NCAPD3: variants seen among roughly 807,000 people sequenced by gnomAD.
NCAPD3 encodes non-SMC condensin II complex subunit D3.
Under a neutral mutation model 182.9 loss-of-function variants are expected in NCAPD3, and 105 were observed. The ratio of observed to expected loss-of-function variants is 0.57; its 90% CI spans 0.49 to 0.68. The LOEUF (loss-of-function observed/expected upper bound fraction) is 0.68. Among genes scored for constraint, NCAPD3 ranks in the 30% least tolerant of loss-of-function variants. The pLI, the probability that NCAPD3 is intolerant of heterozygous loss-of-function variation, is 0.00. For missense variants in NCAPD3, 1,944 were observed against 1,837.0 expected (o/e 1.06, Z -1.07); for synonymous variants, 815 against 679.9 (o/e 1.20, Z -3.09).
chr11:134,159,138 T>C (rs962967897), intron 29 of NCAPD3, among the ~76,000 whole-genome samples: 3 of 152,370 alleles, frequency 2.0e-5, no homozygotes, highest in Admixed American at 2.0e-4. Context: ...TGCAGGTATG[T>C]CTTCGACATC....
At chr11:134,197,394 A>C (rs1422977127) in intron 13 of NCAPD3, among the ~76,000 whole-genome samples, 1 of 149,120 alleles carries the variant, frequency 6.7e-6, no homozygotes, top group Non-Finnish European at 1.5e-5. Flanking sequence ...CTCCTGCCTC[A>C]GCCTCCTAAG....
In NCAPD3 at chr11:134,151,185, G is replaced by A. The variant is rs1195154396; in HGVS notation, c.*1759C>T. 6.6e-6 allele frequency: 1 copy of A among 152,206 alleles called. No homozygotes were observed. The highest frequency in any genetic ancestry group is 6.5e-5 in the Admixed American group (1 of 15,282). The allele number at this position is 152,206 out of a possible 1,614,324, so 9.4% of individuals were successfully genotyped here. ...CAGTGTCTTGGGTTTTTTATACTTT[G>A]ACAGCTTTTTTTTAATTGCATACAT... On this transcript the variant is annotated 3_prime_UTR_variant, in exon 35 of 35. Coordinates refer to ENST00000534548, the MANE Select transcript of NCAPD3 (RefSeq NM_015261.3).
chr11:134,155,094 A>G (rs1943382737), intron 32 of NCAPD3, among the ~76,000 whole-genome samples: 1 of 152,216 alleles, frequency 6.6e-6, no homozygotes, highest in South Asian at 2.1e-4. Flanking sequence ...AATCGAAGGC[A>G]GCAGCGTCTG....
At position 134,151,145 on chromosome 11, in the gene NCAPD3, TTGTC is replaced by T. The variant is rs1371733590; in HGVS notation, c.*1795_*1798del. 6.6e-6 allele frequency: 1 copy of T among 152,316 alleles called. No homozygotes were observed. Among genetic ancestry groups the T allele is most frequent in the African/African-American group, 2.4e-5 (1 of 41,474 alleles). The allele number at this position is 152,316 out of a possible 1,614,324, so 9.4% of individuals were successfully genotyped here. On this transcript the variant is annotated 3_prime_UTR_variant, in exon 35 of 35. Coordinates refer to ENST00000534548, the MANE Select transcript of NCAPD3 (RefSeq NM_015261.3). ...TGGAGAATGGCTCTCACTACTCACCTTGTCTTTCAGCTTCCAGTGTCTTGGGTTT... is the reference window on the plus strand; with the variant it reads ...TGGAGAATGGCTCTCACTACTCACCTTTTCAGCTTCCAGTGTCTTGGGTTT...
intron 24 of NCAPD3, among the ~76,000 whole-genome samples, chr11:134,171,697 T>C (rs1403347082): frequency 2.0e-5 from 3 of 152,180 alleles, no homozygotes; most frequent in Non-Finnish European, 2.9e-5. Context: ...CATCCCTGCA[T>C]TGCTGCTTCC....
chr11:134,152,919 C>T lies in NCAPD3; in HGVS notation c.*25G>A. The T allele has an allele frequency of 6.6e-7, 1 of 1,506,510 alleles. No homozygotes were observed. Among genetic ancestry groups the T allele is most frequent in the African/African-American group, 1.4e-5 (1 of 71,510 alleles). 93.3% of individuals were successfully genotyped at this position (1,506,510 alleles called of 1,614,324 possible). On this transcript the variant is annotated 3_prime_UTR_variant, in exon 35 of 35. Coordinates refer to ENST00000534548, the MANE Select transcript of NCAPD3 (RefSeq NM_015261.3). ...CTGCTTCCTCAAGGGCTCCTGCCTG[C>T]CTGGACACTGGTGGGAGGCGCTGTT...
chr11:134,202,852 T>C lies in NCAPD3; in HGVS notation c.1579A>G (p.Asn527Asp). ...SNRSEPSGEI[N>D]IDSSGETVGS... ...ACTGTTTCACCACTGCTGTCTATGT[T>C]GATCTCCCCTGAGGGTTCGGAACGG... The change falls in exon 13 of 35, where the codon AAC becomes GAC. Residue 527 changes from asparagine to aspartate, a missense_variant. This residue lies in a region of NCAPD3 where 1,803 missense variants were observed against 1,674.6 expected (regional missense o/e 1.08). Coordinates refer to ENST00000534548, the MANE Select transcript of NCAPD3 (RefSeq NM_015261.3). The C allele has an allele frequency of 1.9e-6, 3 of 1,609,246 alleles. No individual in the cohort carries two copies. Among genetic ancestry groups the C allele is most frequent in the Non-Finnish European group, 2.5e-6 (3 of 1,178,848 alleles).
At position 134,151,589 on chromosome 11, in the gene NCAPD3, C is replaced by T. The variant is rs755544461; in HGVS notation, c.*1355G>A. Reference sequence around the variant, plus strand: ...TGAGACTAGACGGAAAAGGAATACTCGTGTATTTTAAGATATGAATGTGAC... The same window carrying T: ...TGAGACTAGACGGAAAAGGAATACTTGTGTATTTTAAGATATGAATGTGAC... On this transcript the variant is annotated 3_prime_UTR_variant, in exon 35 of 35. Coordinates refer to ENST00000534548, the MANE Select transcript of NCAPD3 (RefSeq NM_015261.3). 4.6e-5 allele frequency: 7 copies of T among 152,124 alleles called. No homozygotes were observed. The highest frequency in any genetic ancestry group is 7.3e-5 in the Non-Finnish European group (5 of 68,050). The allele number at this position is 152,124 out of a possible 1,614,324, so 9.4% of individuals were successfully genotyped here.
intron 15 of NCAPD3, among the ~76,000 whole-genome samples, chr11:134,193,673 A>G (rs1944568469): frequency 6.6e-6 from 1 of 152,206 alleles, no homozygotes; most frequent in Non-Finnish European, 1.5e-5. Flanking sequence ...GAGTTGCTTG[A>G]ACCTGAGAGG....
chr11:134,225,002 C>A, upstream of NCAPD3: 8 of 877,882 alleles, frequency 9.1e-6, no homozygotes, highest in Non-Finnish European at 1.2e-5. Context: ...CGGAGCCAGG[C>A]AGCCCCGCGG....
At chr11:134,156,800 C>G in intron 32 of NCAPD3, 1 of 437,032 alleles carries the variant, frequency 2.3e-6, no homozygotes, top group Admixed American at 4.2e-5. Flanking sequence ...TGGTGTTTGA[C>G]TGACTGAATG....
Position 134,168,230 on chromosome 11 carries a change from T to A in NCAPD3, c.3374-35A>T, listed in dbSNP as rs778679114. ...AGAGAGAGAGAAAAACGTGAGCTTC[T>A]GAGAAATGCTCTGGCCCAGAGAGGA... On this transcript the variant is annotated intron_variant, in intron 26 of 34. Transcript: ENST00000534548. 4.4e-6 allele frequency: 7 copies of A among 1,589,088 alleles called. No individual in the cohort carries two copies. The South Asian group carries it at 7.7e-5, about 18-fold the overall frequency.
chr11:134,208,965 A>G lies in NCAPD3; in HGVS notation c.795-14T>C. ...TGGTTAAGAGCTCTAAAAAAAAAAGACGAAATATTAGTTAATGGATATGAT... is the reference window on the plus strand; with the variant it reads ...TGGTTAAGAGCTCTAAAAAAAAAAGGCGAAATATTAGTTAATGGATATGAT... On this transcript the variant is annotated splice_polypyrimidine_tract_variant and intron_variant, in intron 6 of 34. Coordinates refer to ENST00000534548, the MANE Select transcript of NCAPD3 (RefSeq NM_015261.3). The G allele has an allele frequency of 6.5e-7, 1 of 1,543,390 alleles. No homozygotes were observed. The highest frequency in any genetic ancestry group is 8.9e-7 in the Non-Finnish European group (1 of 1,126,206).
In NCAPD3 at chr11:134,153,103, GA is replaced by G. The variant is rs767913495; in HGVS notation, c.4388+36del. On this transcript the variant is annotated intron_variant, in intron 34 of 34. Transcript: ENST00000534548. ...TCTGGAACTCAGAAAAACCCTGACA[GA>G]AACATCCACCTCAAAAGGAACACTG... 15 of 1,612,558 alleles carry G rather than the reference GA, an allele frequency of 9.3e-6. No homozygotes were observed. The African/African-American group carries it at 2.0e-4, about 22-fold the overall frequency.
At chr11:134,212,454 C>T (rs180703645) in intron 3 of NCAPD3, among the ~76,000 whole-genome samples, 40 of 147,988 alleles carry the variant, frequency 2.7e-4, no homozygotes, top group Middle Eastern at 3.5e-3. Context: ...AGTACAGTGG[C>T]GTGGATCTCG....
At chr11:134,191,248 T>C (rs1944517172) in intron 16 of NCAPD3, among the ~76,000 whole-genome samples, 1 of 152,148 alleles carries the variant, frequency 6.6e-6, no homozygotes, top group African/African-American at 2.4e-5. Flanking sequence ...ATACCAAAAA[T>C]AAGACAAAAT....
In NCAPD3 at chr11:134,223,915, C is replaced by T. The variant is rs768383544; in HGVS notation, c.12G>A (p.Leu4=). The T allele has an allele frequency of 8.1e-6, 13 of 1,612,650 alleles. 1 individual carries two copies. In the South Asian group the frequency reaches 1.4e-4, roughly 18 times the overall value. The change falls in exon 1 of 35, where the codon TTG becomes TTA. Residue 4 remains leucine (L), a synonymous_variant. Coordinates refer to ENST00000534548, the MANE Select transcript of NCAPD3 (RefSeq NM_015261.3). The part of the protein sequence containing the change: MVA[L]RGLGSGLQPW... ...GCTGCAGGCCGCTACCAAGGCCCCG[C>T]AACGCCACCATGATCCCAGGGCACC...
intron 27 of NCAPD3, among the ~76,000 whole-genome samples, chr11:134,167,298 G>T (rs1414450092): frequency 2.2e-5 from 3 of 134,726 alleles, no homozygotes; most frequent in Non-Finnish European, 4.7e-5. Context: ...TGAGCTTGGG[G>T]GAGCAGCACA....
chr11:134,221,381 CT>C (rs569643270), intron 1 of NCAPD3, among the ~76,000 whole-genome samples: 18 of 147,722 alleles, frequency 1.2e-4, no homozygotes, highest in South Asian at 2.1e-4. Context: ...TTTGGATAAA[CT>C]TTTTTTTTTA....
Sources: gnomAD v4.1 joint callset for allele counts (sites outside exome capture counted in the v4.1 genomes callset) on GRCh38, gnomAD v4.1.1 for gene constraint, gnomAD v4.1.1 regional missense constraint, MANE v1.5 for transcripts, NCBI Gene and HGNC (gene_info 2026-07-23, HGNC 2026-07-21) for gene names.